FAM131C: variants seen among roughly 807,000 people sequenced by gnomAD.
FAM131C encodes family with sequence similarity 131 member C.
A neutral mutation model predicts 29.8 loss-of-function variants in FAM131C; 14 were observed. The observed-to-expected ratio is 0.47, with a 90% CI of 0.31 to 0.73. The LOEUF is 0.73. Among genes scored for constraint, FAM131C ranks in the 30% least tolerant of loss-of-function variants. The pLI, the probability that FAM131C is intolerant of heterozygous loss-of-function variation, is 0.05. For synonymous variants in FAM131C, 86 were observed against 157.8 expected (o/e 0.54, Z 3.41); for missense variants, 252 against 383.8 (o/e 0.66, Z 2.87).
rs1460523833 is a variant in FAM131C, at chr1:16,058,494, G to A, written c.786C>T (p.Ser262=). 1 of 1,505,064 alleles carries A rather than the reference G, an allele frequency of 6.6e-7. No individual in the cohort carries two copies. Among genetic ancestry groups the A allele is most frequent in the African/African-American group, 1.4e-5 (1 of 72,054 alleles). 93.2% of individuals were successfully genotyped at this position (1,505,064 alleles called of 1,614,324 possible). A position where few individuals can be genotyped will look rare whatever the true frequency, so the allele number is the denominator to read the frequency against. Residue 262 remains serine, a synonymous_variant, in exon 7 of 7, where the codon TCC becomes TCT. Coordinates refer to ENST00000375662, the MANE Select transcript of FAM131C (RefSeq NM_182623.3). ...GGGAGCCGCTGTCCATGGAGGGGAG[G>A]GAGCCCGGGGGGTGGGTCCCACCCT... is the stretch of plus-strand genomic sequence containing the variant. ...GPEGGTHPPG[S]LPSMDSGSLW...
intron 1 of FAM131C, among the ~76,000 whole-genome samples, chr1:16,071,659 G>A (rs542200563): frequency 1.3e-5 from 2 of 152,300 alleles, no homozygotes; most frequent in South Asian, 4.1e-4. Flanking sequence ...AATTAGATCT[G>A]GGGGGCGCTG....
At chr1:16,072,982 G>C (rs2023769557) in intron 1 of FAM131C, among the ~76,000 whole-genome samples, 1 of 151,878 alleles carries the variant, frequency 6.6e-6, no homozygotes, top group African/African-American at 2.4e-5. Flanking sequence ...CACCCGGTAA[G>C]ACGTGGGAAG....
intron 3 of FAM131C, 105 bp downstream of exon 3, chr1:16,062,394 C>CCCCCG: frequency 2.6e-6 from 3 of 1,172,012 alleles, no homozygotes; most frequent in Non-Finnish European, 3.4e-6. Flanking sequence ...CCCCCCCCCC[C>CCCCCG]GCCCCAGGGC....
In FAM131C at chr1:16,063,092, CAT is replaced by C. The variant is rs1243912381; in HGVS notation, c.138+427_138+428del. ...TTCTAAATCCATCTGGACTGAGAAACATATATAAAATTTTAATATATATAATA... is the reference window on the plus strand; with the variant it reads ...TTCTAAATCCATCTGGACTGAGAAACATATAAAATTTTAATATATATAATA... On this transcript the variant is annotated intron_variant, in intron 2 of 6. Coordinates refer to ENST00000375662, the MANE Select transcript of FAM131C (RefSeq NM_182623.3). Among the ~76,000 whole-genome samples the C allele has an allele frequency of 2.6e-4, 38 of 148,248 alleles. No individual in the cohort carries two copies. In the South Asian group the frequency reaches 7.6e-3, roughly 30 times the overall value.
rs767155787 is a variant in FAM131C at position 16,062,098 on chromosome 1, C to T, written c.268+1G>A. On this transcript the variant is annotated splice_donor_variant, in intron 4 of 6. Transcript: ENST00000375662. LOFTEE classifies it high-confidence loss of function. ...GCAGGAGAGTTGCGGCCAGAACCTA[C>T]CCACAAGGGACGAGGTGGCCAGGGC... The T allele has an allele frequency of 6.2e-7, 1 of 1,611,298 alleles. No homozygotes were observed. Among genetic ancestry groups the T allele is most frequent in the South Asian group, 1.1e-5 (1 of 90,896 alleles).
intron 2 of FAM131C, 30 bp downstream of exon 2, chr1:16,063,491 G>T (rs1458701454): frequency 7.1e-6 from 11 of 1,544,588 alleles, no homozygotes; most frequent in Non-Finnish European, 8.9e-6. Context: ...CGGGGCGCAG[G>T]TAGCACAGGG....
Position 16,062,095 on chromosome 1 carries a change from C to T in FAM131C, c.268+4G>A. ...CCGGCAGGAGAGTTGCGGCCAGAAC[C>T]TACCCACAAGGGACGAGGTGGCCAG... On this transcript the variant is annotated splice_donor_region_variant and intron_variant, in intron 4 of 6. Transcript: ENST00000375662. 6.2e-7 allele frequency: 1 copy of T among 1,611,180 alleles called. No individual in the cohort carries two copies. The highest frequency in any genetic ancestry group is 8.5e-7 in the Non-Finnish European group (1 of 1,179,312).
chr1:16,065,906 C>CTTTTTCTT (rs111449942), intron 1 of FAM131C, among the ~76,000 whole-genome samples: 5,503 of 148,722 alleles, frequency 0.037, 113 homozygotes, highest in African/African-American at 0.052. Flanking sequence ...GTTTTCTTTT[C>CTTTTTCTT]TTTTTTTTTT....
At chr1:16,071,177 TG>T (rs923498949) in intron 1 of FAM131C, among the ~76,000 whole-genome samples, 2 of 152,070 alleles carry the variant, frequency 1.3e-5, no homozygotes, top group Non-Finnish European at 2.9e-5. Flanking sequence ...AGGGGCCAGG[TG>T]GGGGGCTCAG....
chr1:16,063,687 C>T, intron 1 of FAM131C, 51 bp from the exon 2 acceptor site: 1 of 1,321,800 alleles, frequency 7.6e-7, no homozygotes, highest in Admixed American at 2.0e-5. Context: ...CCCTCTCTTG[C>T]TTACAAAGCA....
chr1:16,068,701 G>T (rs1002540254), intron 1 of FAM131C, among the ~76,000 whole-genome samples: 12 of 152,070 alleles, frequency 7.9e-5, no homozygotes, highest in Non-Finnish European at 1.8e-4. Flanking sequence ...TATCCAAGGG[G>T]GTCCCTTTCT....
chr1:16,072,909 T>C lies in FAM131C; in HGVS notation c.22+512A>G, dbSNP rs2023767520. Among the ~76,000 whole-genome samples, 5 of 151,956 alleles carry C rather than the reference T, an allele frequency of 3.3e-5. No individual in the cohort carries two copies. The South Asian group carries it at 1.0e-3, about 32-fold the overall frequency. On this transcript the variant is annotated intron_variant, in intron 1 of 6. Coordinates refer to ENST00000375662, the MANE Select transcript of FAM131C (RefSeq NM_182623.3). ...TTAGGGGGCAGGGGAACCTTCTTTA[T>C]AACCTGTGCCCCACCATTAACCCTT...
intron 1 of FAM131C, among the ~76,000 whole-genome samples, chr1:16,067,961 G>A (rs1472418649): frequency 6.6e-6 from 1 of 152,194 alleles, no homozygotes. Flanking sequence ...GAGAGGGACC[G>A]TGTTTGACTC....
rs759593007 is a variant in FAM131C at position 16,062,086 on chromosome 1, G to A, written c.268+13C>T. 5.6e-6 allele frequency: 9 copies of A among 1,610,242 alleles called. No homozygotes were observed. Among genetic ancestry groups the A allele is most frequent in the East Asian group, 4.5e-5 (2 of 44,868 alleles). ...CATTCTCCACCGGCAGGAGAGTTGC[G>A]GCCAGAACCTACCCACAAGGGACGA... is the stretch of plus-strand genomic sequence containing the variant. On this transcript the variant is annotated intron_variant, in intron 4 of 6. Transcript: ENST00000375662.
chr1:16,062,869 C>T (rs80087292), intron 2 of FAM131C, among the ~76,000 whole-genome samples: 2 of 152,210 alleles, frequency 1.3e-5, no homozygotes, highest in Non-Finnish European at 2.9e-5. Flanking sequence ...GTGACAATTT[C>T]ATTCACCTCA....
At chr1:16,061,306 G>A (rs1349133766) in intron 4 of FAM131C, among the ~76,000 whole-genome samples, 4 of 152,120 alleles carry the variant, frequency 2.6e-5, no homozygotes, top group African/African-American at 9.7e-5. Flanking sequence ...TGGAGATGGA[G>A]GAAAGGCACA....
intron 1 of FAM131C, among the ~76,000 whole-genome samples, chr1:16,070,645 T>G (rs1265765732): frequency 6.6e-6 from 1 of 152,124 alleles, no homozygotes; most frequent in Non-Finnish European, 1.5e-5. Flanking sequence ...ATATACAATA[T>G]TAAAATTAAA....
intron 1 of FAM131C, among the ~76,000 whole-genome samples, chr1:16,069,243 T>G (rs1570358870): frequency 6.6e-6 from 1 of 152,174 alleles, no homozygotes. Flanking sequence ...CAAGGGTTCA[T>G]GCATACTGCC....
At chr1:16,060,648 A>C (rs1226372072) in intron 4 of FAM131C, among the ~76,000 whole-genome samples, 1 of 152,122 alleles carries the variant, frequency 6.6e-6, no homozygotes, top group African/African-American at 2.4e-5. Context: ...TTTCATTTCA[A>C]AGATGAGAAG....
Sources: allele counts gnomAD v4.1 joint callset (sites outside exome capture counted in the v4.1 genomes callset), GRCh38; gene constraint gnomAD v4.1.1; transcripts MANE v1.5; gene names NCBI Gene and HGNC (gene_info 2026-07-23, HGNC 2026-07-21).